Variants in MTUS2 observed in about 807,000 individuals in gnomAD.
MTUS2 encodes microtubule associated scaffold protein 2, also known as microtubule-associated tumor suppressor candidate 2.
In MTUS2, 40 loss-of-function variants were observed where a neutral mutation model predicts 114.1. That is an observed-to-expected ratio of 0.35 (90% CI 0.27 to 0.46). The LOEUF (loss-of-function observed/expected upper bound fraction) is 0.46. Ranked by LOEUF, MTUS2 falls within the 20% of genes least tolerant of loss-of-function variation. The pLI is 1.00. For missense variants in MTUS2, 1,679 were observed against 1,705.4 expected (o/e 0.98, Z 0.27); for synonymous variants, 688 against 672.0 (o/e 1.02, Z -0.37).
intron 13 of MTUS2, 55 bp downstream of exon 13, chr13:29,497,391 C>T (rs1408182607): frequency 1.8e-5 from 27 of 1,459,620 alleles, no homozygotes; most frequent in Non-Finnish European, 2.2e-5. Context: ...CCAGCAAGGC[C>T]GAGGGACTCC....
chr13:29,115,945 G>A (rs1891069090), intron 5 of MTUS2, among the ~76,000 whole-genome samples: 1 of 152,168 alleles, frequency 6.6e-6, no homozygotes, highest in Non-Finnish European at 1.5e-5. Flanking sequence ...AAGGGTGGTG[G>A]GGCCATAACA....
rs57182093 is a variant in MTUS2, at chr13:29,432,010, A to ATT, written c.3118-7952_3118-7951dup. Among the ~76,000 whole-genome samples the ATT allele has an allele frequency of 8.1e-3, 654 of 80,900 alleles. 7 individuals are homozygous for ATT. Among genetic ancestry groups the ATT allele is most frequent in the Middle Eastern group, 0.014 (2 of 140 alleles). 53.1% of individuals were successfully genotyped at this position (80,900 alleles called of 152,430 possible). A position where few individuals can be genotyped will look rare whatever the true frequency, so the allele number is the denominator to read the frequency against. ...CAAGTGTGCACTACCACGCTCAGCT[A>ATT]TTTTTTTTTTTTTTTTTTTTTTGGC... On this transcript the variant is annotated intron_variant, in intron 8 of 15. Transcript: ENST00000612955.
At chr13:29,280,341 C>A (rs997919082) in intron 5 of MTUS2, among the ~76,000 whole-genome samples, 2 of 152,166 alleles carry the variant, frequency 1.3e-5, no homozygotes, top group Admixed American at 1.3e-4. Flanking sequence ...ATTTTAAAAA[C>A]CTTGCACAGC....
intron 2 of MTUS2, among the ~76,000 whole-genome samples, chr13:28,913,740 G>C (rs973969122): frequency 7.2e-5 from 11 of 152,010 alleles, no homozygotes; most frequent in African/African-American, 2.7e-4. Flanking sequence ...AAATCCATCT[G>C]GTCCTGGGCT....
chr13:29,113,966 TC>T (rs1165402063), intron 5 of MTUS2, among the ~76,000 whole-genome samples: 1 of 152,066 alleles, frequency 6.6e-6, no homozygotes, highest in Non-Finnish European at 1.5e-5. Context: ...GCAAGTGAGT[TC>T]CCCCGAGGTC....
chr13:29,209,662 G>A (rs1302449895), intron 5 of MTUS2, among the ~76,000 whole-genome samples: 5 of 152,036 alleles, frequency 3.3e-5, no homozygotes, highest in Non-Finnish European at 5.9e-5. Flanking sequence ...GTCTGAAAAA[G>A]ACTGTATCTT....
chr13:28,924,923 C>T (rs1881247391), intron 2 of MTUS2, among the ~76,000 whole-genome samples: 2 of 151,800 alleles, frequency 1.3e-5, no homozygotes, highest in South Asian at 4.2e-4. Flanking sequence ...CACACATCGC[C>T]TTCTGCTTGG....
At chr13:28,929,392 T>A (rs73161862) in intron 2 of MTUS2, among the ~76,000 whole-genome samples, 12,764 of 152,248 alleles carry the variant, frequency 0.084, 601 homozygotes, top group South Asian at 0.13. Flanking sequence ...ATTTGATCTT[T>A]ACAAATTATA....
chr13:29,182,636 C>A (rs1894054714), intron 5 of MTUS2, among the ~76,000 whole-genome samples: 1 of 152,150 alleles, frequency 6.6e-6, no homozygotes, highest in African/African-American at 2.4e-5. Context: ...TTGCCTTTGT[C>A]AAGTTTACTT....
At chr13:29,461,424 T>C (rs1480211373) in intron 9 of MTUS2, among the ~76,000 whole-genome samples, 1 of 152,220 alleles carries the variant, frequency 6.6e-6, no homozygotes, top group Non-Finnish European at 1.5e-5. Flanking sequence ...TAAAGGGTTT[T>C]ATTTTAGATA....
Position 29,114,156 on chromosome 13 carries a change from CT to C in MTUS2, c.2644+13197del, listed in dbSNP as rs559594959. Among the ~76,000 whole-genome samples, 404 of 146,716 alleles carry C rather than the reference CT, an allele frequency of 2.8e-3. 1 individual carries two copies. Among genetic ancestry groups the C allele is most frequent in the Non-Finnish European group, 2.9e-3 (191 of 66,134 alleles). On this transcript the variant is annotated intron_variant, in intron 5 of 15. Transcript: ENST00000612955. ...TTGCAGAAACATGAGCTGATTAAAC[CT>C]TTTTTTTTTTAAATAAATTACCCAG...
intron 1 of MTUS2, among the ~76,000 whole-genome samples, chr13:28,831,281 C>CTAAATGTTTAGATGTAAAAA (rs1874659383): frequency 6.6e-6 from 1 of 152,016 alleles, no homozygotes; most frequent in Non-Finnish European, 1.5e-5. Context: ...GATGTAAAAT[C>CTAAATGTTTAGATGTAAAAA]CTGCCATTTT....
intron 2 of MTUS2, among the ~76,000 whole-genome samples, chr13:28,877,381 G>A (rs867306042): frequency 1.3e-5 from 2 of 151,454 alleles, no homozygotes; most frequent in Non-Finnish European, 2.9e-5. Context: ...GCTATTAATG[G>A]AATTATTAAA....
intron 6 of MTUS2, among the ~76,000 whole-genome samples, chr13:29,306,080 T>G (rs1899438324): frequency 6.6e-6 from 1 of 152,200 alleles, no homozygotes; most frequent in African/African-American, 2.4e-5. Context: ...TTTAATAAAA[T>G]TCAACATTCC....
chr13:29,118,914 G>T (rs1891195664), intron 5 of MTUS2, among the ~76,000 whole-genome samples: 1 of 152,134 alleles, frequency 6.6e-6, no homozygotes, highest in African/African-American at 2.4e-5. Flanking sequence ...GATCCCAGTT[G>T]TCTGGTCCTG....
chr13:29,129,756 G>A (rs564565992), intron 5 of MTUS2, among the ~76,000 whole-genome samples: 3 of 152,284 alleles, frequency 2.0e-5, no homozygotes, highest in African/African-American at 7.2e-5. Flanking sequence ...CCAGCATGCT[G>A]GTTCTCAGGG....
At chr13:29,137,196 A>G (rs1166061368) in intron 5 of MTUS2, among the ~76,000 whole-genome samples, 2 of 152,048 alleles carry the variant, frequency 1.3e-5, no homozygotes, top group African/African-American at 2.4e-5. Context: ...TCTGGCCTCC[A>G]ATGTTTCTGA....
At chr13:28,989,758 G>A (rs1205700103) in intron 2 of MTUS2, among the ~76,000 whole-genome samples, 6 of 152,156 alleles carry the variant, frequency 3.9e-5, no homozygotes, top group Non-Finnish European at 8.8e-5. Flanking sequence ...ATCTTAAAGA[G>A]AGCCAGCTGC....
intron 2 of MTUS2, among the ~76,000 whole-genome samples, chr13:28,952,626 GGT>G (rs1252564366): frequency 2.0e-5 from 3 of 151,880 alleles, no homozygotes; most frequent in Non-Finnish European, 4.4e-5. Flanking sequence ...TCTATCCCCA[GGT>G]AACCATATGT....
Sources: allele counts gnomAD v4.1 joint callset (sites outside exome capture counted in the v4.1 genomes callset), GRCh38; gene constraint gnomAD v4.1.1; transcripts MANE v1.5; gene names NCBI Gene and HGNC (gene_info 2026-07-23, HGNC 2026-07-21).